The following KCTD2 variants were observed in gnomAD, a reference collection of about 807,000 sequenced individuals.
KCTD2 encodes BTB/POZ domain-containing protein KCTD2.
Under a neutral mutation model 27.9 loss-of-function variants are expected in KCTD2, and 18 were observed. The ratio of observed to expected loss-of-function variants is 0.64; its 90% CI spans 0.45 to 0.96. The LOEUF (loss-of-function observed/expected upper bound fraction) is 0.96, where lower values mean the gene tolerates loss of function less well. Among genes scored for constraint, KCTD2 ranks in the 40% least tolerant of loss-of-function variants. KCTD2 has a pLI of 0.00. For synonymous variants in KCTD2, 175 were observed against 148.4 expected, an observed-to-expected ratio of 1.18 and a Z score of -1.30; for missense variants, 280 against 348.0, an observed-to-expected ratio of 0.80 and a Z score of 1.56.
At chr17:75,061,819 T>TTG (rs772976827) in intron 4 of KCTD2, among the ~76,000 whole-genome samples, 4 of 152,102 alleles carry the variant, frequency 2.6e-5, no homozygotes, top group Non-Finnish European at 5.9e-5. Flanking sequence ...CTGTCTTCCC[T>TTG]TGCTGTGCTC....
intron 2 of KCTD2, among the ~76,000 whole-genome samples, chr17:75,052,499 A>G (rs1368573165): frequency 6.6e-6 from 1 of 152,230 alleles, no homozygotes; most frequent in African/African-American, 2.4e-5. Flanking sequence ...AGGCAGATGG[A>G]TCACCTGAGG....
Position 75,062,264 on chromosome 17 carries a change from G to A in KCTD2, c.762+19G>A, listed in dbSNP as rs1476822595. ...GGCGAAGGTAAGGAGCCCCTTCCCTGGGCAGTTGCCTCTGGCTTGCTTGTT... is the reference window on the plus strand; with the variant it reads ...GGCGAAGGTAAGGAGCCCCTTCCCTAGGCAGTTGCCTCTGGCTTGCTTGTT... On this transcript the variant is annotated intron_variant, in intron 5 of 5. Transcript: ENST00000322444. 1.2e-6 allele frequency: 2 copies of A among 1,603,968 alleles called. No homozygotes were observed. The highest frequency in any genetic ancestry group is 1.3e-5 in the African/African-American group (1 of 74,290).
At chr17:75,033,903 C>G (rs1200042330) in intron 1 of KCTD2, 1 of 152,312 alleles carries the variant, frequency 6.6e-6, no homozygotes, top group African/African-American at 2.4e-5. Context: ...CCACGTGCCC[C>G]AAGCCCCAGT....
upstream of KCTD2, among the ~76,000 whole-genome samples, chr17:75,044,451 C>G (rs2073192289): frequency 8.7e-6 from 1 of 115,558 alleles, no homozygotes. Flanking sequence ...ATGATCCACC[C>G]GCCTCGGCCT....
chr17:75,052,951 C>G (rs1449984179), intron 2 of KCTD2, 63 bp from the exon 3 acceptor site: 15 of 1,165,042 alleles, frequency 1.3e-5, no homozygotes, highest in Non-Finnish European at 1.8e-5. Context: ...CCTTCATCCT[C>G]TCCTTGGTGT....
chr17:75,060,141 G>A (rs2073389167), intron 4 of KCTD2, among the ~76,000 whole-genome samples: 1 of 152,156 alleles, frequency 6.6e-6, no homozygotes, highest in Non-Finnish European at 1.5e-5. Context: ...GACAGTTGGA[G>A]CTTCACTGTT....
At chr17:75,047,117 G>A, upstream of KCTD2, 1 of 275,518 alleles carries the variant, frequency 3.6e-6, no homozygotes, top group Non-Finnish European at 6.8e-6. Context: ...CGGGTCCCCG[G>A]GCGCTGGTTG....
chr17:75,042,002 G>C (rs2073166217), intron 3 of KCTD2: 1 of 563,790 alleles, frequency 1.8e-6, no homozygotes, highest in Non-Finnish European at 3.1e-6. Context: ...TGAATGAACA[G>C]AGCCTAAATT....
Position 75,047,467 on chromosome 17 carries a change from T to A in KCTD2, c.217T>A (p.Trp73Arg). 6.4e-7 allele frequency: 1 copy of A among 1,560,024 alleles called. No homozygotes were observed. Among genetic ancestry groups the A allele is most frequent in the Non-Finnish European group, 8.7e-7 (1 of 1,154,388 alleles). ...ERAGGGGAAR[W>R]VRLNVGGTYF... The stretch of plus-strand genomic sequence containing the variant: ...GGCAGGGGGCGGCGGCGCGGCCCGC[T>A]GGGTCAGGCTGAACGTGGGAGGCAC... Residue 73 changes from tryptophan (W) to arginine (R), a missense_variant, in exon 1 of 6, where the codon TGG (tryptophan) becomes AGG (arginine). Trp to Arg is a moderately radical substitution (Grantham distance 101, BLOSUM62 -3). Transcript: ENST00000322444.
intron 3 of KCTD2, chr17:75,039,974 C>T (rs1264124190): frequency 1.9e-6 from 2 of 1,058,320 alleles, no homozygotes; most frequent in Middle Eastern, 2.1e-4. Context: ...ATTGACAAGT[C>T]ATTCCTTTAT....
At chr17:75,059,673 G>GT in intron 4 of KCTD2, 68 bp downstream of exon 4, 1 of 1,245,262 alleles carries the variant, frequency 8.0e-7, no homozygotes, top group Non-Finnish European at 1.2e-6. Context: ...CAAACAATCA[G>GT]TGTGGATGGC....
chr17:75,039,010 C>T (rs762038335), intron 3 of KCTD2: 1 of 1,614,136 alleles, frequency 6.2e-7, no homozygotes, highest in Non-Finnish European at 8.5e-7. Flanking sequence ...AAGCTTCATT[C>T]AAGTCCTCAA....
intron 3 of KCTD2, chr17:75,039,335 G>C (rs2073134919): frequency 6.8e-7 from 1 of 1,467,736 alleles, no homozygotes; most frequent in Non-Finnish European, 9.5e-7. Flanking sequence ...CAGCTGCTAA[G>C]GTAGGAGTCG....
At chr17:75,060,440 C>T in intron 4 of KCTD2, 4 of 1,603,500 alleles carry the variant, frequency 2.5e-6, no homozygotes, top group Non-Finnish European at 3.4e-6. Flanking sequence ...CCAAAAAAGT[C>T]CTCTAACATA....
intron 4 of KCTD2, among the ~76,000 whole-genome samples, chr17:75,061,074 T>G (rs141160534): frequency 2.0e-5 from 3 of 152,372 alleles, no homozygotes; most frequent in African/African-American, 7.2e-5. Flanking sequence ...AATGTATTCT[T>G]TGTGAAACTA....
At chr17:75,060,662 C>G (rs12232542) in intron 4 of KCTD2, 5 of 1,511,752 alleles carry the variant, frequency 3.3e-6, no homozygotes, top group Non-Finnish European at 4.4e-6. Flanking sequence ...AGGGAGGGCG[C>G]GCGTGCGAGG....
chr17:75,047,098 TC>T, upstream of KCTD2: 1 of 271,666 alleles, frequency 3.7e-6, no homozygotes, highest in Non-Finnish European at 6.9e-6. Context: ...GCACAGCGCC[TC>T]CCCCGCGCGG....
At chr17:75,042,792 A>G (rs762255709), upstream of KCTD2, 148 of 943,192 alleles carry the variant, frequency 1.6e-4, no homozygotes, top group Middle Eastern at 3.3e-4. Flanking sequence ...TCTTCACAAG[A>G]ATCACTTGAA....
At position 75,063,351 on chromosome 17, in the gene KCTD2, T is replaced by A; in HGVS notation, c.*304T>A. 1 of 423,434 alleles carries A rather than the reference T, an allele frequency of 2.4e-6. No individual in the cohort carries two copies. The highest frequency in any genetic ancestry group is 4.4e-6 in the Non-Finnish European group (1 of 229,572). The allele number at this position is 423,434 out of a possible 1,614,324, so 26.2% of individuals were successfully genotyped here. A position where few individuals can be genotyped will look rare whatever the true frequency, so the allele number is the denominator to read the frequency against. On this transcript the variant is annotated 3_prime_UTR_variant, in exon 6 of 6. Transcript: ENST00000322444. ...GTTCCCAGTCGGAGCCTTTCGGGGA[T>A]CTGGGGGATGAGGGCGGAAGGCCTA...
Sources: gnomAD v4.1 joint callset for allele counts (sites outside exome capture counted in the v4.1 genomes callset) on GRCh38, gnomAD v4.1.1 for gene constraint, MANE v1.5 for transcripts, NCBI Gene and HGNC (gene_info 2026-07-23, HGNC 2026-07-21) for gene names.